Variants in TPRG1 observed in about 807,000 individuals in gnomAD.
TPRG1 encodes the protein tumor protein p63-regulated gene 1 protein.
TPRG1 carries 29 observed loss-of-function variants against 29.3 expected under a neutral mutation model. The ratio of observed to expected loss-of-function variants is 0.99; its 90% confidence interval spans 0.74 to 1.35. The LOEUF (loss-of-function observed/expected upper bound fraction) is 1.35, where lower values mean the gene tolerates loss of function less well. TPRG1 is among the 40% of genes most tolerant of loss of function. TPRG1 has a pLI of 0.00. For synonymous variants in TPRG1, 130 were observed against 116.8 expected (o/e 1.11, Z -0.73); for missense variants, 327 against 335.0 (o/e 0.98, Z 0.19).
chr3:189,161,035 A>C (rs904267069), intron 5 of TPRG1, among the ~76,000 whole-genome samples: 1 of 152,202 alleles, frequency 6.6e-6, no homozygotes, highest in African/African-American at 2.4e-5. Flanking sequence ...ACTTCATTGT[A>C]TTCCTTCCTT....
intron 1 of TPRG1, chr3:189,121,748 A>T (rs1578425384): frequency 6.6e-6 from 1 of 152,288 alleles, no homozygotes; most frequent in East Asian, 1.9e-4. Flanking sequence ...GAAGCGAGAG[A>T]GCAGGAATCA....
chr3:189,161,802 C>T (rs925658044), intron 5 of TPRG1, among the ~76,000 whole-genome samples: 1 of 152,136 alleles, frequency 6.6e-6, no homozygotes, highest in Non-Finnish European at 1.5e-5. Context: ...AAGGCAGATA[C>T]TGCACGTGCT....
At chr3:189,138,828 G>T (rs1724126915) in intron 3 of TPRG1, among the ~76,000 whole-genome samples, 1 of 152,200 alleles carries the variant, frequency 6.6e-6, no homozygotes, top group Admixed American at 6.5e-5. Context: ...GATAGAACTT[G>T]ATGAAAGTGT....
At chr3:189,157,438 A>G (rs1726842245) in intron 5 of TPRG1, among the ~76,000 whole-genome samples, 1 of 152,140 alleles carries the variant, frequency 6.6e-6, no homozygotes, top group Non-Finnish European at 1.5e-5. Context: ...GACAGAGTCC[A>G]AGGCAGATGG....
intron 4 of TPRG1, among the ~76,000 whole-genome samples, chr3:189,070,649 GAGAA>G (rs1274902601): frequency 3.9e-5 from 6 of 152,166 alleles, no homozygotes; most frequent in African/African-American, 1.4e-4. Context: ...AAGAAAGAGA[GAGAA>G]AGAGAACAAT....
chr3:189,290,703 G>C (rs761777654), intron 4 of TPRG1, among the ~76,000 whole-genome samples: 8 of 152,168 alleles, frequency 5.3e-5, no homozygotes, highest in African/African-American at 1.9e-4. Flanking sequence ...AGAAGAAGAC[G>C]TTTAGGAGAG....
At chr3:189,202,280 T>G (rs558689490) in intron 1 of TPRG1, among the ~76,000 whole-genome samples, 1 of 152,078 alleles carries the variant, frequency 6.6e-6, no homozygotes, top group African/African-American at 2.4e-5. Flanking sequence ...TCCTCGATGA[T>G]GAAGAGACTG....
intron 3 of TPRG1, among the ~76,000 whole-genome samples, chr3:189,223,993 T>C (rs1737315639): frequency 6.6e-6 from 1 of 152,184 alleles, no homozygotes. Context: ...ACAGTTTCTC[T>C]CCTCAAGGTG....
intron 3 of TPRG1, among the ~76,000 whole-genome samples, chr3:189,022,775 T>C (rs1044517104): frequency 3.3e-5 from 5 of 152,250 alleles, no homozygotes; most frequent in African/African-American, 1.2e-4. Context: ...ACTTCCCGGC[T>C]GCTTTGTTTA....
chr3:189,015,516 A>G (rs1020646087), intron 3 of TPRG1, among the ~76,000 whole-genome samples: 5 of 152,224 alleles, frequency 3.3e-5, no homozygotes, highest in African/African-American at 1.2e-4. Context: ...AATAGCCAAG[A>G]CAATGGGGAA....
chr3:189,183,884 C>T (rs11921925), intron 1 of TPRG1, among the ~76,000 whole-genome samples: 17,786 of 151,036 alleles, frequency 0.12, 1,297 homozygotes, highest in African/African-American at 0.19. Context: ...TCCTCCTCGG[C>T]TTACGAGATG....
intron 4 of TPRG1, among the ~76,000 whole-genome samples, chr3:189,285,138 A>G (rs1455240554): frequency 6.6e-6 from 1 of 152,254 alleles, no homozygotes; most frequent in East Asian, 1.9e-4. Context: ...AAGGATATGA[A>G]CAGCCACTTC....
At chr3:189,117,449 A>G (rs1396670783) in intron 1 of TPRG1, among the ~76,000 whole-genome samples, 1 of 152,222 alleles carries the variant, frequency 6.6e-6, no homozygotes, top group East Asian at 1.9e-4. Flanking sequence ...TCCCTGGGGA[A>G]GCTGGACTCC....
chr3:189,198,929 T>A (rs151108064), intron 1 of TPRG1, among the ~76,000 whole-genome samples: 1,688 of 152,362 alleles, frequency 0.011, 38 homozygotes, highest in African/African-American at 0.039. Context: ...TTTGTCTTTA[T>A]CATTTTCTTC....
chr3:189,127,106 C>G (rs1361045610), exon 2 of TPRG1: 2 of 152,180 alleles, frequency 1.3e-5, no homozygotes, highest in Non-Finnish European at 2.9e-5. Flanking sequence ...AGATTTCATG[C>G]TGTTGATTCA....
At chr3:189,313,411 A>G (rs1379590141) in intron 5 of TPRG1, among the ~76,000 whole-genome samples, 2 of 152,170 alleles carry the variant, frequency 1.3e-5, no homozygotes, top group East Asian at 1.9e-4. Flanking sequence ...TGGTTTTTCC[A>G]TCTCTCTGAT....
At chr3:189,189,579 T>G (rs1378327930) in intron 1 of TPRG1, among the ~76,000 whole-genome samples, 1 of 152,238 alleles carries the variant, frequency 6.6e-6, no homozygotes, top group African/African-American at 2.4e-5. Context: ...TCTTTTCACA[T>G]GTACAAGTAC....
intron 1 of TPRG1, among the ~76,000 whole-genome samples, chr3:189,111,990 G>C (rs1035176727): frequency 2.4e-4 from 37 of 152,192 alleles, no homozygotes; most frequent in Non-Finnish European, 2.2e-4. Flanking sequence ...CTAGTTTTCT[G>C]GGAGTCTTTA....
At chr3:189,219,336 C>T (rs1052216394) in intron 3 of TPRG1, among the ~76,000 whole-genome samples, 1 of 152,002 alleles carries the variant, frequency 6.6e-6, no homozygotes, top group African/African-American at 2.4e-5. Flanking sequence ...TGGAGAGAAG[C>T]AGCCCTAAAC....
Sources: allele counts gnomAD v4.1 joint callset (sites outside exome capture counted in the v4.1 genomes callset), GRCh38; gene constraint gnomAD v4.1.1; transcripts MANE v1.5; gene names NCBI Gene and HGNC (gene_info 2026-07-23, HGNC 2026-07-21).